MYH10: variants seen among roughly 807,000 people sequenced by gnomAD.
The protein encoded by MYH10 is myosin heavy chain 10.
A neutral mutation model predicts 257.8 loss-of-function variants in MYH10; 55 were observed. That is an observed-to-expected ratio of 0.21 (90% CI 0.17 to 0.27). The LOEUF (loss-of-function observed/expected upper bound fraction) is 0.27. Among genes scored for constraint, MYH10 ranks in the 10% least tolerant of loss-of-function variants. The probability of loss-of-function intolerance (pLI) is 1.00; values close to 1 mark genes in which losing one functional copy is unlikely to be tolerated. For missense variants in MYH10, 1,631 were observed against 2,500.6 expected, an observed-to-expected ratio of 0.65 and a Z score of 7.42; for synonymous variants, 854 against 921.7, an observed-to-expected ratio of 0.93 and a Z score of 1.33.
chr17:8,479,940 G>C (rs1165764644), intron 40 of MYH10, among the ~76,000 whole-genome samples, 170 bp downstream of exon 40: 1 of 152,208 alleles, frequency 6.6e-6, no homozygotes, highest in Non-Finnish European at 1.5e-5. Flanking sequence ...CCCAGGCTCT[G>C]AATGCTCACA....
At chr17:8,540,719 C>T (rs562031668) in intron 14 of MYH10, among the ~76,000 whole-genome samples, 6 of 152,244 alleles carry the variant, frequency 3.9e-5, no homozygotes, top group Non-Finnish European at 5.9e-5. Flanking sequence ...GTCATATGGA[C>T]GCATATAATG....
In MYH10 at chr17:8,475,944, C is replaced by T; in HGVS notation, c.5884G>A (p.Gly1962Ser). The T allele has an allele frequency of 6.2e-7, 1 of 1,612,878 alleles. No homozygotes were observed. Among genetic ancestry groups the T allele is most frequent in the Non-Finnish European group, 8.5e-7 (1 of 1,179,802 alleles). ...VSTLKNRLRR[G>S]GPISFSSSRS... ...CTGGAAGAGAAGCTGATGGGGCCAC[C>T]CCGCCTGGAGAACACAGGAAGCAGA... Residue 1962 changes from glycine (G) to serine (S), a missense_variant, in exon 43 of 43, where the codon GGT becomes AGT. Around this residue, in one of 11 missense-constraint regions of MYH10, gnomAD observed 343 missense variants for 389.5 expected, o/e 0.88. Transcript: ENST00000360416.
At chr17:8,488,507 G>A (rs1015981579) in intron 35 of MYH10, among the ~76,000 whole-genome samples, 1 of 152,150 alleles carries the variant, frequency 6.6e-6, no homozygotes, top group Admixed American at 6.5e-5. Context: ...TAAGGTATAG[G>A]TCATAAATAC....
chr17:8,506,601 G>C lies in MYH10; in HGVS notation c.3215-112C>G, dbSNP rs1410103249. On this transcript the variant is annotated intron_variant, in intron 26 of 42. Transcript: ENST00000360416. The surrounding 1 kb of genome is among the most constrained non-coding windows in gnomAD (Gnocchi z 5.0). Reference sequence around the variant, plus strand: ...AATAAGCCATTTTATTCAAAAGCATGTCACTGCCCTGATGACATGGTCATG... The same window carrying C: ...AATAAGCCATTTTATTCAAAAGCATCTCACTGCCCTGATGACATGGTCATG... The C allele has an allele frequency of 5.3e-6, 6 of 1,135,554 alleles. No individual in the cohort carries two copies. In the Admixed American group the frequency reaches 1.2e-4, roughly 22 times the overall value. 70.3% of individuals were successfully genotyped at this position (1,135,554 alleles called of 1,614,324 possible).
At chr17:8,557,480 T>C (rs146231806) in intron 7 of MYH10, among the ~76,000 whole-genome samples, 1 of 152,334 alleles carries the variant, frequency 6.6e-6, no homozygotes, top group African/African-American at 2.4e-5. Context: ...TTAGCACTCC[T>C]GGTTCTCTTT....
chr17:8,515,286 C>A (rs1867573683), intron 21 of MYH10, among the ~76,000 whole-genome samples: 1 of 152,142 alleles, frequency 6.6e-6, no homozygotes, highest in Non-Finnish European at 1.5e-5. Context: ...ATTATTCATT[C>A]ACTCCAGCAA....
chr17:8,618,091 T>G (rs558061814), intron 2 of MYH10, among the ~76,000 whole-genome samples: 18 of 152,296 alleles, frequency 1.2e-4, no homozygotes, highest in Middle Eastern at 3.4e-3. Context: ...GTATTCAGTC[T>G]ACTGTAATAC....
At chr17:8,620,599 A>C (rs1303618328) in intron 2 of MYH10, among the ~76,000 whole-genome samples, 1 of 152,180 alleles carries the variant, frequency 6.6e-6, no homozygotes, top group African/African-American at 2.4e-5. Flanking sequence ...ATGTCCAAAA[A>C]AGGTTCTACC....
intron 7 of MYH10, among the ~76,000 whole-genome samples, chr17:8,556,495 T>G (rs2082801690): frequency 6.6e-6 from 1 of 152,236 alleles, no homozygotes. Context: ...AGCATTCTGC[T>G]GTGTGAAAGA....
chr17:8,593,876 G>A (rs746050893), intron 3 of MYH10, among the ~76,000 whole-genome samples: 1 of 152,034 alleles, frequency 6.6e-6, no homozygotes, highest in Admixed American at 6.6e-5. Context: ...CTAAAATAAA[G>A]AATTTTTTAA....
At position 8,477,792 on chromosome 17, in the gene MYH10, G is replaced by T. The variant is rs1912932855; in HGVS notation, c.5706+546C>A. Among the ~76,000 whole-genome samples the T allele has an allele frequency of 6.6e-6, 1 of 152,198 alleles. No homozygotes were observed. Among genetic ancestry groups the T allele is most frequent in the South Asian group, 2.1e-4 (1 of 4,834 alleles). The stretch of plus-strand genomic sequence containing the variant: ...TCACCAGGCAGAGGGCAGGGAGCGG[G>T]AGGGAGGGTATAGCTGCCCACGCTG... On this transcript the variant is annotated intron_variant, in intron 41 of 42. Transcript: ENST00000360416. This position sits in a 1 kb window ranked among gnomAD's most constrained non-coding sequence, Gnocchi z 4.2.
At chr17:8,587,948 A>C (rs2083971676) in intron 4 of MYH10, among the ~76,000 whole-genome samples, 1 of 151,006 alleles carries the variant, frequency 6.6e-6, no homozygotes, top group Admixed American at 6.6e-5. Context: ...AGCACCCTCC[A>C]CTCTCTATTG....
chr17:8,621,028 C>A (rs1432293319), intron 2 of MYH10, among the ~76,000 whole-genome samples: 1 of 152,090 alleles, frequency 6.6e-6, no homozygotes, highest in East Asian at 1.9e-4. Flanking sequence ...ACAAAAACAA[C>A]AAAAAAACAC....
intron 2 of MYH10, among the ~76,000 whole-genome samples, chr17:8,616,561 C>A (rs1166950856): frequency 6.6e-6 from 1 of 151,132 alleles, no homozygotes; most frequent in Admixed American, 6.6e-5. Context: ...AAATAAAATA[C>A]CCAAAAATAA....
intron 25 of MYH10, 117 bp from the exon 26 acceptor site, chr17:8,508,794 T>C (rs2081162060): frequency 1.7e-6 from 2 of 1,202,632 alleles, no homozygotes; most frequent in Non-Finnish European, 2.3e-6. Flanking sequence ...CGGCACTGCC[T>C]CCCCCAGCAG....
intron 3 of MYH10, among the ~76,000 whole-genome samples, chr17:8,598,238 T>A (rs868350155): frequency 1.3e-5 from 2 of 152,234 alleles, no homozygotes; most frequent in African/African-American, 4.8e-5. Context: ...ACTTCTCCCA[T>A]GGACAATGTT....
At chr17:8,491,620 A>G (rs1915790500) in intron 34 of MYH10, among the ~76,000 whole-genome samples, 1 of 152,238 alleles carries the variant, frequency 6.6e-6, no homozygotes, top group Admixed American at 6.5e-5. Context: ...AAGGAAACTT[A>G]GGCTTCAAAA....
intron 40 of MYH10, among the ~76,000 whole-genome samples, chr17:8,479,562 A>G (rs1245222149): frequency 9.9e-5 from 15 of 152,274 alleles, no homozygotes; most frequent in East Asian, 9.7e-4. Context: ...CGAGCCCTGC[A>G]TTTCTGGGCT....
intron 35 of MYH10, among the ~76,000 whole-genome samples, chr17:8,488,473 A>G (rs1016971975): frequency 6.6e-6 from 1 of 152,210 alleles, no homozygotes; most frequent in Middle Eastern, 3.2e-3. Flanking sequence ...TCAGCCATAA[A>G]TGAATGTTTC....
Sources: allele counts gnomAD v4.1 joint callset (sites outside exome capture counted in the v4.1 genomes callset), GRCh38; gene constraint gnomAD v4.1.1; regional missense constraint gnomAD v4.1.1; non-coding constraint Gnocchi (gnomAD v3.1); transcripts MANE v1.5; gene names NCBI Gene and HGNC (gene_info 2026-07-23, HGNC 2026-07-21).